Variants in SSBP2 observed in about 807,000 individuals in gnomAD.
The protein encoded by SSBP2 is single stranded DNA binding protein 2, also known as single-stranded DNA-binding protein 2.
SSBP2 carries 17 observed loss-of-function variants against 61.8 expected under a neutral mutation model. The ratio of observed to expected loss-of-function variants is 0.28; its 90% confidence interval spans 0.19 to 0.41. The LOEUF is 0.41. Ranked by LOEUF, SSBP2 falls within the 10% of genes least tolerant of loss-of-function variation. The probability of loss-of-function intolerance (pLI) is 1.00; values close to 1 mark genes in which losing one functional copy is unlikely to be tolerated. For synonymous variants in SSBP2, 139 were observed against 141.3 expected, an observed-to-expected ratio of 0.98 and a Z score of 0.12; for missense variants, 310 against 458.7, an observed-to-expected ratio of 0.68 and a Z score of 2.96.
intron 1 of SSBP2, among the ~76,000 whole-genome samples, chr5:81,728,214 G>C (rs1272644030): frequency 1.3e-5 from 2 of 152,112 alleles, no homozygotes; most frequent in Non-Finnish European, 2.9e-5. Flanking sequence ...AGCATTTCAG[G>C]AACAGATGAC....
intron 1 of SSBP2, among the ~76,000 whole-genome samples, chr5:81,697,677 T>C (rs565135736): frequency 2.6e-5 from 4 of 152,128 alleles, no homozygotes; most frequent in African/African-American, 4.8e-5. Context: ...AAGAACAAAC[T>C]AAAACAGGGC....
intron 4 of SSBP2, among the ~76,000 whole-genome samples, chr5:81,574,688 A>C (rs1253156710): frequency 6.6e-6 from 1 of 152,124 alleles, no homozygotes; most frequent in East Asian, 1.9e-4. Context: ...ACAATCTTAA[A>C]ACCAGCCAAA....
chr5:81,445,156 A>ATATATAT (rs1368818847), intron 12 of SSBP2, among the ~76,000 whole-genome samples: 2 of 90,408 alleles, frequency 2.2e-5, no homozygotes, highest in Non-Finnish European at 4.7e-5. Context: ...ATATATATAT[A>ATATATAT]TATATATATA....
chr5:81,519,094 C>A (rs1206926097), intron 4 of SSBP2, among the ~76,000 whole-genome samples: 1 of 152,042 alleles, frequency 6.6e-6, no homozygotes, highest in Admixed American at 6.6e-5. Flanking sequence ...GCTTGAGCAT[C>A]AGGATTATTC....
chr5:81,574,480 G>T (rs2153454557), intron 4 of SSBP2, among the ~76,000 whole-genome samples: 1 of 151,910 alleles, frequency 6.6e-6, no homozygotes, highest in African/African-American at 2.4e-5. Flanking sequence ...AGAATAAAAG[G>T]AGTTGAAAAA....
In SSBP2 at chr5:81,453,526, G is replaced by A. The variant is rs373551176; in HGVS notation, c.688-4701C>T. 9.4e-5 allele frequency among the ~76,000 whole-genome samples: 14 copies of A among 148,908 alleles called. No individual in the cohort carries two copies. In the East Asian group the frequency reaches 1.6e-3, roughly 17 times the overall value. ...GGCTGGAGTGCAGGGGCGTGATCTC[G>A]GCTCACTGCAGGCTCCGCCCCCCGG... On this transcript the variant is annotated intron_variant, in intron 10 of 16. Transcript: ENST00000320672.
At chr5:81,437,896 A>G (rs944614602) in intron 14 of SSBP2, 2 of 152,266 alleles carry the variant, frequency 1.3e-5, no homozygotes, top group Admixed American at 1.3e-4. Context: ...ATTTTAAACC[A>G]TAATTTACTA....
chr5:81,582,634 C>T (rs1017947342), intron 4 of SSBP2, among the ~76,000 whole-genome samples: 8 of 152,212 alleles, frequency 5.3e-5, no homozygotes, highest in African/African-American at 1.9e-4. Flanking sequence ...TGCTGCATCA[C>T]GCAGGATGGA....
chr5:81,604,653 T>C (rs1744703830), intron 4 of SSBP2, among the ~76,000 whole-genome samples: 1 of 152,166 alleles, frequency 6.6e-6, no homozygotes, highest in Non-Finnish European at 1.5e-5. Flanking sequence ...ATTTAAACTG[T>C]ATAAACTAAT....
intron 4 of SSBP2, among the ~76,000 whole-genome samples, chr5:81,552,129 T>C (rs1772243887): frequency 6.6e-6 from 1 of 152,188 alleles, no homozygotes; most frequent in Non-Finnish European, 1.5e-5. Context: ...TCTTGGTTAG[T>C]GAGTATATGA....
intron 1 of SSBP2, among the ~76,000 whole-genome samples, chr5:81,685,666 T>TA (rs2153822584): frequency 6.6e-6 from 1 of 152,292 alleles, no homozygotes; most frequent in South Asian, 2.1e-4. Flanking sequence ...GAAGCACAGG[T>TA]GTTTTCACCA....
intron 4 of SSBP2, among the ~76,000 whole-genome samples, chr5:81,601,780 C>T (rs960499976): frequency 6.6e-6 from 1 of 152,094 alleles, no homozygotes; most frequent in African/African-American, 2.4e-5. Flanking sequence ...ATCTAATCAC[C>T]TAAATCAGGT....
At chr5:81,699,760 A>C (rs1303029494) in intron 1 of SSBP2, among the ~76,000 whole-genome samples, 1 of 152,188 alleles carries the variant, frequency 6.6e-6, no homozygotes, top group Non-Finnish European at 1.5e-5. Context: ...TGACAACTAG[A>C]ATGGTGAATC....
At chr5:81,444,083 C>G (rs1396303408) in intron 12 of SSBP2, among the ~76,000 whole-genome samples, 1 of 152,014 alleles carries the variant, frequency 6.6e-6, no homozygotes, top group African/African-American at 2.4e-5. Context: ...GAACAATGAC[C>G]CATAAATCTA....
intron 1 of SSBP2, among the ~76,000 whole-genome samples, chr5:81,741,849 T>G (rs1050701815): frequency 2.2e-4 from 34 of 152,248 alleles, no homozygotes; most frequent in Non-Finnish European, 2.9e-5. Flanking sequence ...AACAATATTT[T>G]TTGTTTAATG....
At chr5:81,467,917 T>C (rs1765002660) in intron 8 of SSBP2, among the ~76,000 whole-genome samples, 1 of 151,992 alleles carries the variant, frequency 6.6e-6, no homozygotes, top group Non-Finnish European at 1.5e-5. Context: ...AACACATTTA[T>C]GAGTAATCTT....
At chr5:81,438,381 A>G (rs1004049192) in intron 14 of SSBP2, among the ~76,000 whole-genome samples, 2 of 151,714 alleles carry the variant, frequency 1.3e-5, no homozygotes, top group African/African-American at 4.8e-5. Context: ...AGAATCATAC[A>G]TTAGGTAACA....
At chr5:81,575,873 G>T (rs1473106760) in intron 4 of SSBP2, among the ~76,000 whole-genome samples, 2 of 152,136 alleles carry the variant, frequency 1.3e-5, no homozygotes, top group Non-Finnish European at 2.9e-5. Flanking sequence ...ACTGTTAGAT[G>T]CTGGGATAGT....
At chr5:81,645,960 T>C (rs1261685340) in intron 2 of SSBP2, among the ~76,000 whole-genome samples, 3 of 152,168 alleles carry the variant, frequency 2.0e-5, no homozygotes, top group South Asian at 2.1e-4. Flanking sequence ...TAAGAAAAAA[T>C]GACTGGGTTA....
Sources: allele counts gnomAD v4.1 joint callset (sites outside exome capture counted in the v4.1 genomes callset), GRCh38; gene constraint gnomAD v4.1.1; transcripts MANE v1.5; gene names NCBI Gene and HGNC (gene_info 2026-07-23, HGNC 2026-07-21).